Variants in CPAP observed in about 807,000 individuals in gnomAD.
CPAP encodes centrosomal P4.1-associated protein.
chr13:24,890,293 A>G, the CPAP span, among the ~76,000 whole-genome samples: 2 of 152,116 alleles, frequency 1.3e-5, no homozygotes, highest in Admixed American at 1.3e-4. Context: ...CCTATTCTCT[A>G]TTTTGGGAAG....
At chr13:24,906,577 G>A in the CPAP span, 1 of 1,614,084 alleles carries the variant, frequency 6.2e-7, no homozygotes, top group Non-Finnish European at 8.5e-7. Context: ...ATTTGATCTG[G>A]TCTCTAAACT....
chr13:24,886,976 G>C, the CPAP span, among the ~76,000 whole-genome samples: 1 of 152,114 alleles, frequency 6.6e-6, no homozygotes, highest in Non-Finnish European at 1.5e-5. Flanking sequence ...CAGGCTCCAG[G>C]TGCAAGCACA....
chr13:24,906,811 G>T, the CPAP span: 1 of 1,614,188 alleles, frequency 6.2e-7, no homozygotes, highest in Non-Finnish European at 8.5e-7. Context: ...ACAGCGGCTG[G>T]TCCTCGGAAG....
chr13:24,913,049 T>C, the CPAP span: 5 of 1,600,230 alleles, frequency 3.1e-6, no homozygotes, highest in Non-Finnish European at 4.3e-6. Flanking sequence ...CACTATTATA[T>C]TTAAACAATG....
At chr13:24,889,588 C>T in the CPAP span, among the ~76,000 whole-genome samples, 1 of 93,396 alleles carries the variant, frequency 1.1e-5, no homozygotes, top group East Asian at 2.1e-4. Flanking sequence ...TGCACACACA[C>T]GCACGCGCGC....
chr13:24,908,592 CAA>C, the CPAP span, among the ~76,000 whole-genome samples: 1 of 88,046 alleles, frequency 1.1e-5, no homozygotes, highest in Non-Finnish European at 2.2e-5. Flanking sequence ...GACCCTGTCT[CAA>C]AAATAAAATA....
At chr13:24,908,142 A>C in the CPAP span, 1 of 1,551,854 alleles carries the variant, frequency 6.4e-7, no homozygotes, top group Non-Finnish European at 8.9e-7. Context: ...ATAAAAATTA[A>C]GAACAATTTA....
chr13:24,885,899 A>G, the CPAP span: 1 of 540,936 alleles, frequency 1.8e-6, no homozygotes, highest in Non-Finnish European at 3.3e-6. Context: ...ATCCTGGGGA[A>G]GAGACAGGTG....
chr13:24,913,853 C>G, the CPAP span, among the ~76,000 whole-genome samples: 1 of 152,198 alleles, frequency 6.6e-6, no homozygotes, highest in African/African-American at 2.4e-5. Context: ...TAAAATTAAC[C>G]AAATTCCTAC....
At chr13:24,900,259 G>C in the CPAP span, among the ~76,000 whole-genome samples, 393 of 152,326 alleles carry the variant, frequency 2.6e-3, 2 homozygotes, top group Non-Finnish European at 4.5e-3. Context: ...GAATGTGCCT[G>C]AGGTGTTCAA....
chr13:24,891,986 C>A, the CPAP span, among the ~76,000 whole-genome samples: 14 of 152,160 alleles, frequency 9.2e-5, no homozygotes, highest in African/African-American at 3.4e-4. Context: ...CAGACGGCGA[C>A]GCCACTCCAC....
the CPAP span, among the ~76,000 whole-genome samples, chr13:24,892,388 C>T: frequency 5.9e-5 from 9 of 152,182 alleles, no homozygotes; most frequent in Non-Finnish European, 1.2e-4. Flanking sequence ...ACATAAAATT[C>T]ACCGTCTTCA....
the CPAP span, among the ~76,000 whole-genome samples, chr13:24,901,331 C>T: frequency 2.3e-4 from 35 of 152,190 alleles, no homozygotes; most frequent in East Asian, 6.4e-3. Flanking sequence ...GCATGCTCAA[C>T]TTTATCAATA....
the CPAP span, among the ~76,000 whole-genome samples, chr13:24,891,805 C>T: frequency 6.6e-6 from 1 of 152,186 alleles, no homozygotes; most frequent in African/African-American, 2.4e-5. Context: ...GGAATCCCAT[C>T]CACCACCCAC....
chr13:24,917,517 G>C, the CPAP span, among the ~76,000 whole-genome samples: 1 of 152,096 alleles, frequency 6.6e-6, no homozygotes. Flanking sequence ...ATGTCAGTGT[G>C]CATCACCCCC....
the CPAP span, chr13:24,883,102 A>C: frequency 7.7e-7 from 1 of 1,299,910 alleles, no homozygotes; most frequent in Non-Finnish European, 1.1e-6. Context: ...AATAAATTAA[A>C]CAGAATCCAC....
the CPAP span, chr13:24,933,024 A>G: frequency 6.3e-7 from 1 of 1,588,124 alleles, no homozygotes; most frequent in Non-Finnish European, 8.6e-7. Context: ...GAATCTTTGC[A>G]AATTGTATCT....
chr13:24,889,842 A>G, the CPAP span, among the ~76,000 whole-genome samples: 1 of 151,152 alleles, frequency 6.6e-6, no homozygotes, highest in African/African-American at 2.4e-5. Flanking sequence ...TCCTCTCTGC[A>G]CCCCACCTCC....
the CPAP span, among the ~76,000 whole-genome samples, chr13:24,927,668 C>T: frequency 6.6e-6 from 1 of 152,226 alleles, no homozygotes; most frequent in South Asian, 2.1e-4. Context: ...GAAAGTACTT[C>T]CCCAAGGAAT....
Sources: gnomAD v4.1 joint callset for allele counts (sites outside exome capture counted in the v4.1 genomes callset) on GRCh38, gnomAD v4.1.1 for gene constraint, MANE v1.5 for transcripts, NCBI Gene and HGNC (gene_info 2026-07-23, HGNC 2026-07-21) for gene names.